The following EBF1 variants were observed in gnomAD, a reference collection of about 807,000 sequenced individuals.
EBF1 encodes the protein transcription factor COE1.
Under a neutral mutation model 68.4 loss-of-function variants are expected in EBF1, and 10 were observed. The observed-to-expected ratio is 0.15, with a 90% CI of 0.09 to 0.25. EBF1 has a LOEUF of 0.25. Ranked by LOEUF, EBF1 falls within the 10% of genes least tolerant of loss-of-function variation. The probability of loss-of-function intolerance (pLI) is 1.00; values close to 1 mark genes in which losing one functional copy is unlikely to be tolerated. For missense variants in EBF1, 509 were observed against 794.4 expected (o/e 0.64, Z 4.32); for synonymous variants, 298 against 299.8 (o/e 0.99, Z 0.06).
intron 8 of EBF1, among the ~76,000 whole-genome samples, chr5:158,800,603 C>A (rs1016863213): frequency 6.6e-6 from 1 of 152,106 alleles, no homozygotes; most frequent in Non-Finnish European, 1.5e-5. Flanking sequence ...ATAAAACAAA[C>A]AAAACAGCTG....
chr5:159,010,246 A>G (rs1241903362), intron 6 of EBF1, among the ~76,000 whole-genome samples: 1 of 152,240 alleles, frequency 6.6e-6, no homozygotes, highest in African/African-American at 2.4e-5. Context: ...GGACAGACAC[A>G]GACAGAGGAA....
chr5:158,717,969 T>C (rs1761122050), intron 11 of EBF1, among the ~76,000 whole-genome samples: 1 of 152,172 alleles, frequency 6.6e-6, no homozygotes, highest in Non-Finnish European at 1.5e-5. Flanking sequence ...ATTTAGAGTC[T>C]ACAGAAATGT....
chr5:158,813,450 C>T (rs1460357572), intron 8 of EBF1, among the ~76,000 whole-genome samples: 2 of 152,146 alleles, frequency 1.3e-5, no homozygotes, highest in Non-Finnish European at 2.9e-5. Context: ...GGCACAATGG[C>T]TATGTATGCC....
chr5:159,013,360 G>A (rs141428427), intron 6 of EBF1, among the ~76,000 whole-genome samples: 13 of 152,264 alleles, frequency 8.5e-5, no homozygotes, highest in African/African-American at 3.1e-4. Flanking sequence ...CTCCTAAGAG[G>A]ACTCTAGGCA....
intron 4 of EBF1, among the ~76,000 whole-genome samples, chr5:159,089,654 C>T (rs1781280631): frequency 4.6e-5 from 7 of 151,632 alleles, no homozygotes; most frequent in Admixed American, 4.6e-4. Context: ...GAAGAGAATA[C>T]TTTTGACTTT....
intron 6 of EBF1, among the ~76,000 whole-genome samples, chr5:159,055,833 C>A (rs1239286071): frequency 6.6e-6 from 1 of 152,142 alleles, no homozygotes; most frequent in Admixed American, 6.5e-5. Flanking sequence ...CTGGGAGGAC[C>A]ACAAAGTGCT....
At chr5:159,086,670 G>A (rs1780689636) in intron 4 of EBF1, among the ~76,000 whole-genome samples, 1 of 152,054 alleles carries the variant, frequency 6.6e-6, no homozygotes, top group Non-Finnish European at 1.5e-5. Context: ...TCCACTATTG[G>A]CAACATAAAT....
chr5:158,907,001 T>C (rs1237377613), intron 6 of EBF1, among the ~76,000 whole-genome samples: 2 of 152,224 alleles, frequency 1.3e-5, no homozygotes, highest in African/African-American at 4.8e-5. Flanking sequence ...CAGAAAATAT[T>C]GATGAGCACC....
At position 158,737,266 on chromosome 5, in the gene EBF1, A is replaced by ATTTTTTTTTTT. The variant is rs61380054; in HGVS notation, c.1037-6120_1037-6110dup. 4.3e-4 allele frequency among the ~76,000 whole-genome samples: 24 copies of ATTTTTTTTTTT among 55,640 alleles called. 6 individuals carry two copies. The highest frequency in any genetic ancestry group is 8.7e-4 in the African/African-American group (11 of 12,608). The allele number at this position is 55,640 out of a possible 152,430, so 36.5% of individuals were successfully genotyped here. On this transcript the variant is annotated intron_variant, in intron 10 of 15. Coordinates refer to ENST00000313708, the MANE Select transcript of EBF1 (RefSeq NM_024007.5). ...CCAAACTGCCTTTGAACATGCCCTG[A>ATTTTTTTTTTT]TTTTTTTTTTTTTTTTTTTTTTTTT...
intron 6 of EBF1, among the ~76,000 whole-genome samples, chr5:158,997,444 T>C (rs1761643248): frequency 6.6e-6 from 1 of 152,168 alleles, no homozygotes; most frequent in East Asian, 1.9e-4. Context: ...TCCACATACA[T>C]AGAGTTGTTT....
chr5:158,921,742 C>G (rs1269738317), intron 6 of EBF1, among the ~76,000 whole-genome samples: 1 of 152,172 alleles, frequency 6.6e-6, no homozygotes, highest in Non-Finnish European at 1.5e-5. Context: ...CTTTGCACTC[C>G]ACTTCCAACC....
chr5:159,081,417 G>A lies in EBF1; in HGVS notation c.485+3249C>T, dbSNP rs140163448. ...CATGCATGTATAGGAAAAATATAGC[G>A]TATGTAAGGTTCAGGACTATCTGCA... On this transcript the variant is annotated intron_variant, in intron 5 of 15. Transcript: ENST00000313708. 1.4e-3 allele frequency among the ~76,000 whole-genome samples: 215 copies of A among 152,228 alleles called. 1 individual carries two copies. Among genetic ancestry groups the A allele is most frequent in the African/African-American group, 4.2e-3 (173 of 41,550 alleles).
chr5:158,981,740 T>C (rs1757942201), intron 6 of EBF1, among the ~76,000 whole-genome samples: 1 of 152,188 alleles, frequency 6.6e-6, no homozygotes, highest in Non-Finnish European at 1.5e-5. Context: ...CACAAGCTCC[T>C]AACAAAATGG....
chr5:158,910,940 G>A (rs11949998), intron 6 of EBF1, among the ~76,000 whole-genome samples: 3,449 of 152,236 alleles, frequency 0.023, 131 homozygotes, highest in African/African-American at 0.079. Flanking sequence ...CTGATTCAGT[G>A]TTTCACATTC....
intron 6 of EBF1, among the ~76,000 whole-genome samples, chr5:159,053,018 T>C (rs991657975): frequency 3.3e-5 from 5 of 152,232 alleles, no homozygotes; most frequent in African/African-American, 1.2e-4. Flanking sequence ...ACAAAAGGAA[T>C]AGCGATTACG....
chr5:158,861,119 C>T (rs1431489723), intron 6 of EBF1, among the ~76,000 whole-genome samples: 4 of 141,382 alleles, frequency 2.8e-5, no homozygotes, highest in African/African-American at 1.1e-4. Context: ...TTTCTGGTCA[C>T]TTGTCCCCTG....
intron 14 of EBF1, 133 bp downstream of exon 14, chr5:158,712,021 C>T: frequency 9.3e-7 from 1 of 1,076,170 alleles, no homozygotes; most frequent in Non-Finnish European, 1.3e-6. Context: ...GCACCATCAC[C>T]CAGGGGAGTG....
intron 6 of EBF1, among the ~76,000 whole-genome samples, chr5:158,941,693 C>G (rs948217632): frequency 4.5e-4 from 68 of 152,144 alleles, no homozygotes; most frequent in African/African-American, 1.6e-3. Context: ...AACTGCCTCA[C>G]CTGTGTGCAG....
intron 8 of EBF1, among the ~76,000 whole-genome samples, chr5:158,808,272 G>C (rs1487203576): frequency 6.6e-6 from 1 of 152,126 alleles, no homozygotes; most frequent in Non-Finnish European, 1.5e-5. Context: ...GGGCTGTTCT[G>C]TCTGGACATC....
Sources: allele counts gnomAD v4.1 joint callset (sites outside exome capture counted in the v4.1 genomes callset), GRCh38; gene constraint gnomAD v4.1.1; transcripts MANE v1.5; gene names NCBI Gene and HGNC (gene_info 2026-07-23, HGNC 2026-07-21).